The following ZDHHC19 variants were observed in gnomAD, a reference collection of about 807,000 sequenced individuals.
ZDHHC19 encodes palmitoyltransferase ZDHHC19.
Under a neutral mutation model 33.9 loss-of-function variants are expected in ZDHHC19, and 30 were observed. The observed-to-expected ratio is 0.88, with a 90% CI of 0.66 to 1.20. The LOEUF is 1.20. ZDHHC19 is among the 50% of genes most tolerant of loss of function. ZDHHC19 has a pLI of 0.00. For synonymous variants in ZDHHC19, 178 were observed against 167.6 expected (o/e 1.06, Z -0.48); for missense variants, 364 against 401.1 (o/e 0.91, Z 0.79).
chr3:196,202,014 T>G (rs1472612934), intron 5 of ZDHHC19, among the ~76,000 whole-genome samples: 5 of 152,156 alleles, frequency 3.3e-5, no homozygotes, highest in Non-Finnish European at 7.3e-5. Flanking sequence ...AGGAATATTT[T>G]GGGGCCTTAA....
chr3:196,198,307 G>C lies in ZDHHC19; in HGVS notation c.918C>G (p.Pro306=). Residue 306 remains proline (P), a synonymous_variant, in exon 7 of 8, where the codon CCC becomes CCG. Transcript: ENST00000296326. The stretch of plus-strand genomic sequence containing the variant: ...GAGAGCTGCAGCCTCACCACGCCCC[G>C]GGGGTCCCTTCCCTGCTTTGTAGGG... ...SGSLQSREGT[P]GAW 6.7e-7 allele frequency: 1 copy of C among 1,500,992 alleles called. No homozygotes were observed. 93.0% of individuals were successfully genotyped at this position (1,500,992 alleles called of 1,614,324 possible).
chr3:196,201,344 C>G (rs62410541), intron 5 of ZDHHC19, among the ~76,000 whole-genome samples: 37,380 of 150,922 alleles, frequency 0.25, 5,035 homozygotes, highest in South Asian at 0.31. Context: ...GGGATTACAG[C>G]CGTGAGCCAC....
At position 196,197,752 on chromosome 3, in the gene ZDHHC19, C is replaced by T. The variant is rs73077066; in HGVS notation, c.*20-27G>A. 9,664 of 152,502 alleles carry T rather than the reference C, an allele frequency of 0.063. 919 individuals are homozygous for T. The highest frequency in any genetic ancestry group is 0.2 in the African/African-American group (8,446 of 41,472). 9.4% of individuals were successfully genotyped at this position (152,502 alleles called of 1,614,324 possible). On this transcript the variant is annotated intron_variant, in intron 7 of 7. Transcript: ENST00000296326. The surrounding 1 kb of genome is among the most constrained non-coding windows in gnomAD (Gnocchi z 4.4). ...TAAACACAGAACAGGGGCATGAGTGCTCTCAACAAGACCCCGCCCCGCAGC... is the reference window on the plus strand; with the variant it reads ...TAAACACAGAACAGGGGCATGAGTGTTCTCAACAAGACCCCGCCCCGCAGC...
intron 5 of ZDHHC19, among the ~76,000 whole-genome samples, chr3:196,200,600 C>T (rs561281235): frequency 2.9e-4 from 44 of 150,510 alleles, no homozygotes; most frequent in Middle Eastern, 3.6e-3. Context: ...GTGATCCGCC[C>T]ACCTTGGCCT....
intron 2 of ZDHHC19, 44 bp from the exon 3 acceptor site, chr3:196,209,559 C>A: frequency 6.3e-7 from 1 of 1,594,968 alleles, no homozygotes; most frequent in South Asian, 1.1e-5. Context: ...GCCCTGCGGT[C>A]ACCCCGCGGC....
chr3:196,203,129 C>A lies in ZDHHC19; in HGVS notation c.688-4255G>T, dbSNP rs4311243. Among the ~76,000 whole-genome samples, 1 of 151,838 alleles carries A rather than the reference C, an allele frequency of 6.6e-6. No individual in the cohort carries two copies. Among genetic ancestry groups the A allele is most frequent in the African/African-American group, 2.4e-5 (1 of 41,304 alleles). ...ACAAAAAATCAGGTGGGCATGGTGACGTGCACCTGTAATTCCAGCTACTCG... is the reference window on the plus strand; with the variant it reads ...ACAAAAAATCAGGTGGGCATGGTGAAGTGCACCTGTAATTCCAGCTACTCG... On this transcript the variant is annotated intron_variant, in intron 5 of 7. Coordinates refer to ENST00000296326, the MANE Select transcript of ZDHHC19 (RefSeq NM_001039617.2). The surrounding 1 kb of genome is among the most constrained non-coding windows in gnomAD (Gnocchi z 4.3).
Position 196,208,424 on chromosome 3 carries a change from G to A in ZDHHC19, c.545C>T (p.Thr182Ile), listed in dbSNP as rs1251509028. The A allele has an allele frequency of 6.8e-6, 11 of 1,614,006 alleles. No individual in the cohort carries two copies. The highest frequency in any genetic ancestry group is 1.3e-5 in the African/African-American group (1 of 74,950). ...LVTCLIFLVR[T>I]THLPFSTDKA... is the part of the protein sequence containing the mutation. ...GTCGGTGGAGAAGGGCAGGTGGGTT[G>A]TGCGCACCAGGAAGATGAGACAGGT... is the stretch of plus-strand genomic sequence containing the variant. Residue 182 changes from threonine to isoleucine, a missense_variant, in exon 4 of 8, where the codon ACA becomes ATA. Coordinates refer to ENST00000296326, the MANE Select transcript of ZDHHC19 (RefSeq NM_001039617.2).
Position 196,208,378 on chromosome 3 carries a change from G to A in ZDHHC19, c.581+10C>T, listed in dbSNP as rs1722951639. ...CGCCTCCTCTCCTGCTTCCCCACGTGGGCGGATACGCGATGGCCTTGTCGG... is the reference window on the plus strand; with the variant it reads ...CGCCTCCTCTCCTGCTTCCCCACGTAGGCGGATACGCGATGGCCTTGTCGG... On this transcript the variant is annotated intron_variant, in intron 4 of 7. Transcript: ENST00000296326. The A allele has an allele frequency of 1.2e-6, 2 of 1,613,190 alleles. No individual in the cohort carries two copies. Among genetic ancestry groups the A allele is most frequent in the Non-Finnish European group, 1.7e-6 (2 of 1,179,730 alleles).
At position 196,207,654 on chromosome 3, in the gene ZDHHC19, CAGG is replaced by C. The variant is rs1722863366; in HGVS notation, c.582-154_582-152del. On this transcript the variant is annotated intron_variant, in intron 4 of 7. Transcript: ENST00000296326. The stretch of plus-strand genomic sequence containing the variant: ...CCCGCCCCGCCCCTGGCCCCGCCCC[CAGG>C]CCCGACTCCGCCCCGAGCCCCGCCC... The C allele has an allele frequency of 9.5e-4, 26 of 27,250 alleles. 3 individuals are homozygous for C. The highest frequency in any genetic ancestry group is 7.2e-3 in the African/African-American group (18 of 2,494). 1.7% of individuals were successfully genotyped at this position (27,250 alleles called of 1,614,324 possible).
chr3:196,198,202 CCCCACACCCTCACAA>C lies in ZDHHC19; in HGVS notation c.*19+59_*19+73del. On this transcript the variant is annotated intron_variant, in intron 7 of 7. Coordinates refer to ENST00000296326, the MANE Select transcript of ZDHHC19 (RefSeq NM_001039617.2). ...GGTCAGCCAAACCTCAGGGGCCTCC[CCCCACACCCTCACAA>C]CCTGCAGACACCCCCCTCCCGACAC... 6 of 1,352,494 alleles carry C rather than the reference CCCCACACCCTCACAA, an allele frequency of 4.4e-6. No homozygotes were observed. The South Asian group carries it at 1.3e-4, about 28-fold the overall frequency. 83.8% of individuals were successfully genotyped at this position (1,352,494 alleles called of 1,614,324 possible).
intron 5 of ZDHHC19, chr3:196,199,250 T>C: frequency 4.3e-6 from 1 of 232,576 alleles, no homozygotes; most frequent in Non-Finnish European, 8.7e-6. Flanking sequence ...TTGATCAGGT[T>C]CTCTCCCTCC....
chr3:196,198,491 C>G, intron 6 of ZDHHC19, 40 bp from the exon 7 acceptor site: 1 of 1,597,570 alleles, frequency 6.3e-7, no homozygotes, highest in South Asian at 1.1e-5. Context: ...CACCGTCCTC[C>G]CTGGTCCGGC....
intron 4 of ZDHHC19, among the ~76,000 whole-genome samples, 193 bp downstream of exon 4, chr3:196,208,195 G>T (rs1335656961): frequency 6.6e-6 from 1 of 152,028 alleles, no homozygotes; most frequent in Non-Finnish European, 1.5e-5. Context: ...CACCGCGCCG[G>T]CCCGGGGGAG....
intron 5 of ZDHHC19, among the ~76,000 whole-genome samples, chr3:196,205,168 G>T (rs767841832): frequency 2.8e-4 from 42 of 152,072 alleles, no homozygotes; most frequent in Non-Finnish European, 5.1e-4. Context: ...TTACCCCAAA[G>T]AAATGAAAAC....
chr3:196,209,420 G>A lies in ZDHHC19; in HGVS notation c.364C>T (p.Pro122Ser), dbSNP rs1427352062. ...QWCPKCCFHR[P>S]PRTYHCPWCN... ...CAGGGGCAGTGGTAAGTCCGGGGCG[G>A]GCGGTGGAAGCAGCACTTTGGACAC... Residue 122 changes from proline (P) to serine (S), a missense_variant, in exon 3 of 8, where the codon CCG becomes TCG. By Grantham distance (74) the Pro-to-Ser change is moderately conservative. Transcript: ENST00000296326. 3 of 1,608,624 alleles carry A rather than the reference G, an allele frequency of 1.9e-6. No homozygotes were observed. The highest frequency in any genetic ancestry group is 1.7e-5 in the Admixed American group (1 of 59,026).
At chr3:196,208,780 G>T in intron 3 of ZDHHC19, 1 of 573,658 alleles carries the variant, frequency 1.7e-6, no homozygotes, top group South Asian at 2.1e-5. Context: ...TCACCTGTCA[G>T]AAGACCTTTA....
At chr3:196,207,168 C>A (rs920305052) in intron 5 of ZDHHC19, among the ~76,000 whole-genome samples, 3 of 152,184 alleles carry the variant, frequency 2.0e-5, no homozygotes, top group African/African-American at 7.2e-5. Context: ...CTATTCCCAT[C>A]GCTCAAAGAA....
intron 5 of ZDHHC19, among the ~76,000 whole-genome samples, chr3:196,204,161 G>C (rs1722564291): frequency 6.6e-6 from 1 of 152,118 alleles, no homozygotes; most frequent in Non-Finnish European, 1.5e-5. Flanking sequence ...CAACAAAAAA[G>C]CTATTGGAAC....
intron 5 of ZDHHC19, chr3:196,202,399 C>T (rs1269264785): frequency 6.6e-6 from 1 of 152,284 alleles, no homozygotes; most frequent in Admixed American, 6.5e-5. Flanking sequence ...AGTTACAGAC[C>T]CAATTCCTTG....
Sources: allele counts gnomAD v4.1 joint callset (sites outside exome capture counted in the v4.1 genomes callset), GRCh38; gene constraint gnomAD v4.1.1; non-coding constraint Gnocchi (gnomAD v3.1); transcripts MANE v1.5; gene names NCBI Gene and HGNC (gene_info 2026-07-23, HGNC 2026-07-21).